Variants in NFIC observed in about 807,000 individuals in gnomAD.
NFIC encodes the protein nuclear factor I C.
A neutral mutation model predicts 54.4 loss-of-function variants in NFIC; 12 were observed. The observed-to-expected ratio is 0.22, with a 90% CI of 0.14 to 0.36. NFIC has a LOEUF of 0.36. Ranked by LOEUF, NFIC falls within the 10% of genes least tolerant of loss-of-function variation. The pLI, the probability that NFIC is intolerant of heterozygous loss-of-function variation, is 1.00. For synonymous variants in NFIC, 322 were observed against 319.2 expected (o/e 1.01, Z -0.09); for missense variants, 575 against 718.2 (o/e 0.80, Z 2.28).
upstream of NFIC, chr19:3,366,482 G>A (rs1021103894): frequency 3.3e-5 from 17 of 515,582 alleles, no homozygotes; most frequent in Admixed American, 9.0e-5. Context: ...CAGGAGGGAG[G>A]AGGAGGGAGA....
At chr19:3,412,847 T>C (rs1378128527) in intron 2 of NFIC, among the ~76,000 whole-genome samples, 1 of 152,176 alleles carries the variant, frequency 6.6e-6, no homozygotes, top group African/African-American at 2.4e-5. Flanking sequence ...CTCTGAAATT[T>C]CTCTGGCCTG....
intron 3 of NFIC, among the ~76,000 whole-genome samples, chr19:3,427,902 G>A (rs1048634717): frequency 1.8e-4 from 27 of 151,846 alleles, no homozygotes; most frequent in Non-Finnish European, 2.9e-4. Flanking sequence ...GGGTGCGGGG[G>A]CTTACGCCTG....
At chr19:3,388,570 C>A (rs1372890292) in intron 2 of NFIC, among the ~76,000 whole-genome samples, 2 of 152,152 alleles carry the variant, frequency 1.3e-5, no homozygotes, top group African/African-American at 4.8e-5. Context: ...TGCCTGTAAT[C>A]CCAACACTTT....
chr19:3,445,475 T>C (rs979511731), intron 6 of NFIC, among the ~76,000 whole-genome samples: 1 of 152,160 alleles, frequency 6.6e-6, no homozygotes, highest in Non-Finnish European at 1.5e-5. Context: ...GGTGTCATCC[T>C]TCCTGCCCCC....
intron 2 of NFIC, among the ~76,000 whole-genome samples, chr19:3,385,610 T>A (rs2081284814): frequency 6.8e-6 from 1 of 147,350 alleles, no homozygotes; most frequent in Non-Finnish European, 1.5e-5. Context: ...TCTTGCTCTG[T>A]CTCCCAGGCT....
At chr19:3,444,424 G>T (rs996706842) in intron 6 of NFIC, among the ~76,000 whole-genome samples, 1 of 152,262 alleles carries the variant, frequency 6.6e-6, no homozygotes, top group Admixed American at 6.5e-5. Context: ...GAGATGGGCG[G>T]GGGACGCACA....
Position 3,375,577 on chromosome 19 carries a change from G to A in NFIC, c.31-6135G>A, listed in dbSNP as rs989464364. 5.9e-5 allele frequency among the ~76,000 whole-genome samples: 9 copies of A among 152,248 alleles called. No homozygotes were observed. Among genetic ancestry groups the A allele is most frequent in the South Asian group, 2.1e-4 (1 of 4,832 alleles). On this transcript the variant is annotated intron_variant, in intron 1 of 10. Transcript: ENST00000443272. The surrounding 1 kb of genome is among the most constrained non-coding windows in gnomAD (Gnocchi z 4.6). ...GGTTGGCTGGGGAAGCGGGGGCAGC[G>A]GAAAAGGGCCCTGAGGTCCGGTCCC... is the stretch of plus-strand genomic sequence containing the variant.
At position 3,381,808 on chromosome 19, in the gene NFIC, A is replaced by G; in HGVS notation, c.127A>G (p.Lys43Glu). 1 of 1,614,004 alleles carries G rather than the reference A, an allele frequency of 6.2e-7. No individual in the cohort carries two copies. Among genetic ancestry groups the G allele is most frequent in the Non-Finnish European group, 8.5e-7 (1 of 1,179,964 alleles). The change falls in exon 2 of 11, where the codon AAG becomes GAG. Residue 43 changes from lysine (K) to glutamate (E), a missense_variant. By Grantham distance (56) the Lys-to-Glu change is moderately conservative. Transcript: ENST00000443272. ...NLQARKRKYF[K>E]KHEKRMSKDE... ...GCAGGCGCGGAAGCGCAAGTACTTC[A>G]AGAAGCACGAGAAGCGGATGTCGAA... is the stretch of plus-strand genomic sequence containing the variant.
rs2082487430 is a variant in NFIC, at chr19:3,452,735, C to T, written c.1269+69C>T. 2 of 1,498,648 alleles carry T rather than the reference C, an allele frequency of 1.3e-6. No individual in the cohort carries two copies. The highest frequency in any genetic ancestry group is 2.3e-5 in the East Asian group (1 of 43,828). The allele number at this position is 1,498,648 out of a possible 1,614,324, so 92.8% of individuals were successfully genotyped here. On this transcript the variant is annotated intron_variant, in intron 8 of 10. Transcript: ENST00000443272. This position sits in a 1 kb window ranked among gnomAD's most constrained non-coding sequence, Gnocchi z 5.3. The stretch of plus-strand genomic sequence containing the variant: ...GGTGACCTCCCGGGGGCCACGTGCT[C>T]ACACGAAGGCACAACCTCTGCTTAA...
chr19:3,360,784 C>T (rs980039586), intron 1 of NFIC, among the ~76,000 whole-genome samples: 3 of 152,190 alleles, frequency 2.0e-5, no homozygotes, highest in African/African-American at 7.2e-5. Flanking sequence ...GCTGCGTGTC[C>T]GCGGAGCCGC....
chr19:3,410,011 C>A (rs2081725899), intron 2 of NFIC, among the ~76,000 whole-genome samples: 2 of 151,744 alleles, frequency 1.3e-5, no homozygotes, highest in African/African-American at 4.8e-5. Flanking sequence ...AGTTTGAGTC[C>A]AGCCTGGGCA....
rs973886106 is a variant in NFIC at position 3,464,752 on chromosome 19, C to T, written c.*1983C>T. The T allele has an allele frequency of 4.8e-5, 47 of 981,562 alleles. No individual in the cohort carries two copies. In the African/African-American group the frequency reaches 6.5e-4, roughly 14 times the overall value. The allele number at this position is 981,562 out of a possible 1,614,324, so 60.8% of individuals were successfully genotyped here. A position where few individuals can be genotyped will look rare whatever the true frequency, so the allele number is the denominator to read the frequency against. On this transcript the variant is annotated 3_prime_UTR_variant, in exon 11 of 11. Transcript: ENST00000443272. ...AAAGACCCAGGACCCTCCCCCATCA[C>T]CCCCAAGAGAGGTTCGCCATCCTCT...
intron 2 of NFIC, among the ~76,000 whole-genome samples, chr19:3,392,609 G>A (rs887100604): frequency 6.6e-6 from 1 of 152,230 alleles, no homozygotes; most frequent in Non-Finnish European, 1.5e-5. Context: ...GAGGCGCCTT[G>A]TTGCACCTGT....
Position 3,435,192 on chromosome 19 carries a change from G to A in NFIC, c.943G>A (p.Glu315Lys). The A allele has an allele frequency of 6.2e-7, 1 of 1,603,332 alleles. No individual in the cohort carries two copies. The highest frequency in any genetic ancestry group is 8.5e-7 in the Non-Finnish European group (1 of 1,174,566). Residue 315 changes from glutamate (E) to lysine (K), a missense_variant, in exon 6 of 11, where the codon GAG becomes AAG. By Grantham distance (56) the Glu-to-Lys change is moderately conservative. Around this residue, in one of 3 missense-constraint regions of NFIC, gnomAD observed 447 missense variants for 526.9 expected, o/e 0.85. Transcript: ENST00000443272. ...CACGAGTAGCAGCCGCAACTGGACGGAGGACATGGAAGGAGGTAGGGCTGG... is the reference window on the plus strand; with the variant it reads ...CACGAGTAGCAGCCGCAACTGGACGAAGGACATGGAAGGAGGTAGGGCTGG... The part of the protein sequence containing the change: ...SPTSSSRNWT[E>K]DMEGGISSPV...
chr19:3,433,728 A>C, intron 4 of NFIC, 136 bp downstream of exon 4: 1 of 991,812 alleles, frequency 1.0e-6, no homozygotes, highest in Non-Finnish European at 1.5e-6. Context: ...GGTTCCTAGA[A>C]AGGGAGGTGG....
At chr19:3,435,043 C>A in intron 5 of NFIC, 40 bp from the exon 6 acceptor site, 1 of 1,531,754 alleles carries the variant, frequency 6.5e-7, no homozygotes, top group South Asian at 1.2e-5. Context: ...CGCCCCGCGT[C>A]TCCCTGGTAA....
intron 2 of NFIC, among the ~76,000 whole-genome samples, chr19:3,413,655 T>C (rs12610998): frequency 0.18 from 27,289 of 152,092 alleles, 3,306 homozygotes; most frequent in East Asian, 0.48. Flanking sequence ...TTTGTTGTTT[T>C]TTGAGATGGA....
intron 1 of NFIC, among the ~76,000 whole-genome samples, chr19:3,376,028 A>G: frequency 6.6e-6 from 1 of 152,018 alleles, no homozygotes. Context: ...ACCCTGTGGG[A>G]CCTCAGCCAG....
chr19:3,407,261 C>T (rs2081667133), intron 2 of NFIC, among the ~76,000 whole-genome samples: 1 of 150,946 alleles, frequency 6.6e-6, no homozygotes, highest in Non-Finnish European at 1.5e-5. Flanking sequence ...CTACAGGCGC[C>T]CGCCACCACG....
Sources: gnomAD v4.1 joint callset for allele counts (sites outside exome capture counted in the v4.1 genomes callset) on GRCh38, gnomAD v4.1.1 for gene constraint, gnomAD v4.1.1 regional missense constraint, Gnocchi (gnomAD v3.1) non-coding constraint, MANE v1.5 for transcripts, NCBI Gene and HGNC (gene_info 2026-07-23, HGNC 2026-07-21) for gene names.